Variants in WDR25 observed in about 807,000 individuals in gnomAD.
WDR25 encodes WD repeat-containing protein 25.
In WDR25, 35 loss-of-function variants were observed where a neutral mutation model predicts 47.7. The ratio of observed to expected loss-of-function variants is 0.73; its 90% CI spans 0.56 to 0.97. WDR25 has a LOEUF of 0.97. WDR25 is among the 50% of genes least tolerant of loss of function. The pLI, the probability that WDR25 is intolerant of heterozygous loss-of-function variation, is 0.00. For synonymous variants in WDR25, 248 were observed against 278.9 expected (o/e 0.89, Z 1.10); for missense variants, 634 against 704.7 (o/e 0.90, Z 1.14).
At position 100,523,849 on chromosome 14, in the gene WDR25, C is replaced by G. The variant is rs920121078; in HGVS notation, c.1102-2021C>G. Among the ~76,000 whole-genome samples, 2 of 152,142 alleles carry G rather than the reference C, an allele frequency of 1.3e-5. No individual in the cohort carries two copies. The highest frequency in any genetic ancestry group is 4.8e-5 in the African/African-American group (2 of 41,400). On this transcript the variant is annotated intron_variant, in intron 4 of 6. Transcript: ENST00000402312. The surrounding 1 kb of genome is among the most constrained non-coding windows in gnomAD (Gnocchi z 4.7). ...TCCCTTTTGGATCCAGCTCGTTAGG[C>G]TCGGGTAGCAGCGTCCCATGCCAGC...
chr14:100,467,288 A>T (rs1252446547), intron 2 of WDR25, among the ~76,000 whole-genome samples: 1 of 151,836 alleles, frequency 6.6e-6, no homozygotes, highest in Non-Finnish European at 1.5e-5. Context: ...CCAGGGATGC[A>T]GGCGAGCCTG....
chr14:100,422,583 C>T (rs951710096), intron 2 of WDR25, among the ~76,000 whole-genome samples: 1 of 152,180 alleles, frequency 6.6e-6, no homozygotes, highest in Non-Finnish European at 1.5e-5. Flanking sequence ...GGGGCTGGGA[C>T]CCCTCATGGT....
At chr14:100,526,610 C>T (rs868430611) in intron 5 of WDR25, among the ~76,000 whole-genome samples, 45 of 152,090 alleles carry the variant, frequency 3.0e-4, no homozygotes, top group South Asian at 1.5e-3. Context: ...GTGTCAGGCA[C>T]GGGGAATGCT....
chr14:100,459,259 G>A (rs1899298976), intron 2 of WDR25, among the ~76,000 whole-genome samples: 1 of 152,120 alleles, frequency 6.6e-6, no homozygotes, highest in South Asian at 2.1e-4. Context: ...TTATGCCAAT[G>A]AATTCTACAA....
intron 2 of WDR25, among the ~76,000 whole-genome samples, chr14:100,410,261 A>G (rs891022742): frequency 1.3e-5 from 2 of 152,110 alleles, no homozygotes; most frequent in African/African-American, 4.8e-5. Context: ...AGGTTTTTAC[A>G]TATGCTCTGG....
At chr14:100,513,009 A>C (rs1033395789) in intron 4 of WDR25, among the ~76,000 whole-genome samples, 60 of 152,180 alleles carry the variant, frequency 3.9e-4, no homozygotes, top group African/African-American at 1.4e-3. Context: ...AATATGGTCT[A>C]TCTTGGTAAA....
chr14:100,457,734 T>C (rs996632551), intron 2 of WDR25, among the ~76,000 whole-genome samples: 2 of 152,234 alleles, frequency 1.3e-5, no homozygotes, highest in Admixed American at 6.5e-5. Context: ...AAAAACATAA[T>C]AATGTGCCGT....
chr14:100,492,010 T>A (rs554893742), intron 4 of WDR25, among the ~76,000 whole-genome samples: 2 of 152,288 alleles, frequency 1.3e-5, no homozygotes, highest in East Asian at 3.9e-4. Context: ...AATTTCTGCT[T>A]CTCCCTATTG....
rs116886327 is a variant in WDR25 at position 100,482,472 on chromosome 14, C to T, written c.971-1522C>T. On this transcript the variant is annotated intron_variant, in intron 3 of 6. Coordinates refer to ENST00000402312, the MANE Select transcript of WDR25 (RefSeq NM_001161476.3). ...TTTATAATATGTTGGTACAGAGGCA[C>T]ATTATTCAACTTAACACAGATATCT... is the stretch of plus-strand genomic sequence containing the variant. Among the ~76,000 whole-genome samples the T allele has an allele frequency of 6.6e-4, 101 of 152,272 alleles. 4 individuals carry two copies. In the East Asian group the frequency reaches 0.019, roughly 28 times the overall value.
intron 4 of WDR25, among the ~76,000 whole-genome samples, chr14:100,486,207 A>G (rs1021177802): frequency 5.3e-5 from 8 of 152,162 alleles, no homozygotes; most frequent in African/African-American, 1.9e-4. Context: ...CACGTCCCTT[A>G]TGGGTGCGCT....
At chr14:100,379,148 C>G (rs1306916277) in intron 1 of WDR25, among the ~76,000 whole-genome samples, 1 of 152,114 alleles carries the variant, frequency 6.6e-6, no homozygotes, top group Non-Finnish European at 1.5e-5. Flanking sequence ...AGCATATGTT[C>G]TCACTTGTTG....
rs73343572 is a variant in WDR25 at position 100,419,779 on chromosome 14, T to C, written c.822+38033T>C. Reference sequence around the variant, plus strand: ...ATCTAATCTGTCACAAATAGGATGATGTTGTGAACACAGGCAGTTCATGCC... The same window carrying C: ...ATCTAATCTGTCACAAATAGGATGACGTTGTGAACACAGGCAGTTCATGCC... On this transcript the variant is annotated intron_variant, in intron 2 of 6. Coordinates refer to ENST00000402312, the MANE Select transcript of WDR25 (RefSeq NM_001161476.3). Among the ~76,000 whole-genome samples the C allele has an allele frequency of 4.8e-3, 730 of 152,324 alleles. 9 individuals carry two copies. The highest frequency in any genetic ancestry group is 0.017 in the African/African-American group (686 of 41,560).
At chr14:100,457,398 C>T (rs940045256) in intron 2 of WDR25, among the ~76,000 whole-genome samples, 8 of 152,168 alleles carry the variant, frequency 5.3e-5, no homozygotes, top group African/African-American at 7.2e-5. Flanking sequence ...AGTGGAACAC[C>T]GTTTGAAAGC....
chr14:100,497,328 A>T (rs1900765086), intron 4 of WDR25, among the ~76,000 whole-genome samples: 1 of 152,114 alleles, frequency 6.6e-6, no homozygotes, highest in African/African-American at 2.4e-5. Flanking sequence ...AGGAGTGTTG[A>T]CATCTCCAGC....
intron 2 of WDR25, among the ~76,000 whole-genome samples, chr14:100,384,041 C>T (rs1265645029): frequency 6.6e-6 from 1 of 152,236 alleles, no homozygotes; most frequent in African/African-American, 2.4e-5. Context: ...ACTGTGTGTG[C>T]TGCAGGTGAT....
intron 2 of WDR25, among the ~76,000 whole-genome samples, chr14:100,409,574 G>A (rs1012438292): frequency 2.0e-5 from 3 of 152,290 alleles, no homozygotes; most frequent in South Asian, 4.1e-4. Context: ...ATTGCTGTGG[G>A]TGATCCCTGG....
intron 1 of WDR25, among the ~76,000 whole-genome samples, chr14:100,379,862 C>T (rs1174502310): frequency 6.6e-6 from 1 of 151,752 alleles, no homozygotes; most frequent in African/African-American, 2.4e-5. Flanking sequence ...CTGCTTCAGC[C>T]TCCCGAGTAG....
intron 2 of WDR25, among the ~76,000 whole-genome samples, chr14:100,459,838 A>G (rs971858891): frequency 1.4e-5 from 2 of 146,394 alleles, no homozygotes; most frequent in Non-Finnish European, 1.5e-5. Context: ...ATGGTACTCT[A>G]GTCATGGCAG....
intron 2 of WDR25, among the ~76,000 whole-genome samples, chr14:100,463,271 A>C (rs1222414668): frequency 1.3e-5 from 2 of 152,142 alleles, no homozygotes; most frequent in Admixed American, 1.3e-4. Context: ...TCAAAATTAT[A>C]GAAGGTAACA....
Sources: gnomAD v4.1 joint callset for allele counts (sites outside exome capture counted in the v4.1 genomes callset) on GRCh38, gnomAD v4.1.1 for gene constraint, Gnocchi (gnomAD v3.1) non-coding constraint, MANE v1.5 for transcripts, NCBI Gene and HGNC (gene_info 2026-07-23, HGNC 2026-07-21) for gene names.